ATP2B1: variants seen among roughly 807,000 people sequenced by gnomAD.
ATP2B1 encodes the protein ATPase plasma membrane Ca2+ transporting 1, also known as plasma membrane calcium-transporting ATPase 1.
Under a neutral mutation model 124.2 loss-of-function variants are expected in ATP2B1, and 14 were observed. The ratio of observed to expected loss-of-function variants is 0.11; its 90% CI spans 0.07 to 0.18. The LOEUF (loss-of-function observed/expected upper bound fraction) is 0.18, where lower values mean the gene tolerates loss of function less well. Ranked by LOEUF, ATP2B1 falls within the 10% of genes least tolerant of loss-of-function variation. The pLI is 1.00. For synonymous variants in ATP2B1, 449 were observed against 492.4 expected (o/e 0.91, Z 1.17); for missense variants, 763 against 1,466.1 (o/e 0.52, Z 7.83).
chr12:89,691,711 A>G (rs1890575268), intron 1 of ATP2B1, among the ~76,000 whole-genome samples: 1 of 152,154 alleles, frequency 6.6e-6, no homozygotes, highest in Admixed American at 6.5e-5. Context: ...GATAAACTTA[A>G]GAGCCATATT....
intron 15 of ATP2B1, among the ~76,000 whole-genome samples, chr12:89,607,510 C>T (rs1272849763): frequency 6.6e-6 from 1 of 152,086 alleles, no homozygotes; most frequent in African/African-American, 2.4e-5. Context: ...TGTTCCGGGA[C>T]TGGAATACTG....
intron 1 of ATP2B1, among the ~76,000 whole-genome samples, chr12:89,661,750 TTGTG>T (rs1360411830): frequency 3.9e-5 from 6 of 152,338 alleles, no homozygotes; most frequent in African/African-American, 1.2e-4. Context: ...GTTTTTTTCT[TTGTG>T]TGTGTTTTTT....
chr12:89,675,892 A>G (rs933169006), intron 1 of ATP2B1, among the ~76,000 whole-genome samples: 1 of 152,192 alleles, frequency 6.6e-6, no homozygotes, highest in Non-Finnish European at 1.5e-5. Context: ...TATTTCAAAA[A>G]CAAATAATAA....
chr12:89,599,723 A>C (rs1349681354), intron 19 of ATP2B1, among the ~76,000 whole-genome samples: 3 of 151,996 alleles, frequency 2.0e-5, no homozygotes, highest in Admixed American at 6.6e-5. Flanking sequence ...AAATGTATAA[A>C]ATTTTTAAAA....
Position 89,590,270 on chromosome 12 carries a change from G to A in ATP2B1, c.*714C>T, listed in dbSNP as rs1209544979. ...ACTTCATTAGAACACCACTGCTCAT[G>A]TTTTTTTGTTTTGTTTTGTTTTTTT... On this transcript the variant is annotated 3_prime_UTR_variant, in exon 21 of 21. Coordinates refer to ENST00000428670, the MANE Select transcript of ATP2B1 (RefSeq NM_001366521.1). 6.6e-6 allele frequency: 1 copy of A among 152,210 alleles called. No homozygotes were observed. Among genetic ancestry groups the A allele is most frequent in the African/African-American group, 2.4e-5 (1 of 41,338 alleles). 9.4% of individuals were successfully genotyped at this position (152,210 alleles called of 1,614,324 possible). A position where few individuals can be genotyped will look rare whatever the true frequency, so the allele number is the denominator to read the frequency against.
rs369402766 is a variant in ATP2B1 at position 89,621,598 on chromosome 12, T to C, written c.1538A>G (p.Tyr513Cys). The C allele has an allele frequency of 3.2e-5, 51 of 1,607,180 alleles. No individual in the cohort carries two copies. Among genetic ancestry groups the C allele is most frequent in the Non-Finnish European group, 4.1e-5 (48 of 1,175,384 alleles). Residue 513 changes from tyrosine to cysteine, a missense_variant, in exon 10 of 21, where the codon TAT becomes TGT. By Grantham distance (194) the Tyr-to-Cys change is radical. Transcript: ENST00000428670. ...ATTCACAGAAATTCCTGTTACAAGA[T>C]AGGACAAAATATTTGGTGGAATAGC... ...PEAIPPNILS[Y>C]LVTGISVNCA...
intron 3 of ATP2B1, 50 bp downstream of exon 3, chr12:89,642,108 A>T (rs1883628430): frequency 6.6e-7 from 1 of 1,521,886 alleles, no homozygotes; most frequent in Non-Finnish European, 9.1e-7. Context: ...TAACTAAATG[A>T]ATTAGCTGAA....
intron 1 of ATP2B1, among the ~76,000 whole-genome samples, chr12:89,689,135 C>G (rs1344216099): frequency 6.6e-6 from 1 of 152,028 alleles, no homozygotes; most frequent in Non-Finnish European, 1.5e-5. Flanking sequence ...CTTTTTACAA[C>G]TTACATACAG....
intron 1 of ATP2B1, among the ~76,000 whole-genome samples, chr12:89,688,251 A>C (rs565236220): frequency 6.6e-6 from 1 of 152,186 alleles, no homozygotes; most frequent in Non-Finnish European, 1.5e-5. Context: ...TTGAGGTCTC[A>C]TCAATGTTAC....
chr12:89,693,487 T>TA (rs1376712712), intron 1 of ATP2B1, among the ~76,000 whole-genome samples: 1 of 152,136 alleles, frequency 6.6e-6, no homozygotes, highest in African/African-American at 2.4e-5. Context: ...TAATGAGTCC[T>TA]AAAAAAATGA....
intron 1 of ATP2B1, among the ~76,000 whole-genome samples, chr12:89,685,305 G>A (rs1357849360): frequency 2.6e-5 from 4 of 152,226 alleles, no homozygotes; most frequent in East Asian, 3.9e-4. Context: ...ACTGAATTGG[G>A]AAACGTAACT....
intron 1 of ATP2B1, among the ~76,000 whole-genome samples, chr12:89,684,715 T>C (rs1889758537): frequency 6.6e-6 from 1 of 152,156 alleles, no homozygotes; most frequent in Non-Finnish European, 1.5e-5. Context: ...GTTTACTGTC[T>C]AAAACTTAAT....
chr12:89,613,691 G>A (rs1414363372), intron 12 of ATP2B1, among the ~76,000 whole-genome samples: 1 of 152,146 alleles, frequency 6.6e-6, no homozygotes, highest in Non-Finnish European at 1.5e-5. Context: ...GGGAAACAAT[G>A]AGTAAAAGGG....
chr12:89,677,851 C>T (rs1175238161), intron 1 of ATP2B1, among the ~76,000 whole-genome samples: 3 of 151,042 alleles, frequency 2.0e-5, no homozygotes, highest in Non-Finnish European at 4.4e-5. Context: ...TTTCAAATAC[C>T]GTAACTAGAT....
chr12:89,614,415 C>T (rs2136030376), intron 12 of ATP2B1, among the ~76,000 whole-genome samples: 1 of 152,194 alleles, frequency 6.6e-6, no homozygotes, highest in South Asian at 2.1e-4. Flanking sequence ...CAAACATTAC[C>T]CACCTGGCTA....
chr12:89,652,749 T>TA (rs397976628), intron 2 of ATP2B1, among the ~76,000 whole-genome samples: 6 of 152,156 alleles, frequency 3.9e-5, no homozygotes, highest in Admixed American at 2.6e-4. Context: ...GTGTTTTTTT[T>TA]ATTTTTGAGA....
intron 18 of ATP2B1, among the ~76,000 whole-genome samples, chr12:89,602,172 C>T (rs1214243688): frequency 6.6e-6 from 1 of 152,102 alleles, no homozygotes; most frequent in African/African-American, 2.4e-5. Context: ...TGACTCATAC[C>T]TGTAATTCTA....
At chr12:89,643,402 A>G (rs1040555842) in intron 2 of ATP2B1, among the ~76,000 whole-genome samples, 1 of 152,130 alleles carries the variant, frequency 6.6e-6, no homozygotes, top group African/African-American at 2.4e-5. Flanking sequence ...CACAAACTCT[A>G]AAAGCTTCTC....
At chr12:89,676,522 T>A (rs1888627833) in intron 1 of ATP2B1, among the ~76,000 whole-genome samples, 2 of 152,032 alleles carry the variant, frequency 1.3e-5, no homozygotes, top group Admixed American at 6.6e-5. Context: ...CACCTCCTGG[T>A]AGCTGGGATT....
Sources: gnomAD v4.1 joint callset for allele counts (sites outside exome capture counted in the v4.1 genomes callset) on GRCh38, gnomAD v4.1.1 for gene constraint, MANE v1.5 for transcripts, NCBI Gene and HGNC (gene_info 2026-07-23, HGNC 2026-07-21) for gene names.